The following ANKRD36B variants were observed in gnomAD, a reference collection of about 807,000 sequenced individuals.
The protein encoded by ANKRD36B is ankyrin repeat domain-containing protein 36B.
Under a neutral mutation model 135.7 loss-of-function variants are expected in ANKRD36B, and 37 were observed. The observed-to-expected ratio is 0.27, with a 90% CI of 0.21 to 0.36. The LOEUF (loss-of-function observed/expected upper bound fraction) is 0.36, where lower values mean the gene tolerates loss of function less well. ANKRD36B is among the 10% of genes least tolerant of loss of function. ANKRD36B has a pLI of 1.00. For synonymous variants in ANKRD36B, 179 were observed against 348.1 expected, an observed-to-expected ratio of 0.51 and a Z score of 5.41; for missense variants, 549 against 1,037.1, an observed-to-expected ratio of 0.53 and a Z score of 6.46.
chr2:97,549,484 C>T lies in ANKRD36B; in HGVS notation c.1412G>A (p.Ser471Asn). The change falls in exon 20 of 44, where the codon AGT (serine) becomes AAT (asparagine). Residue 471 changes from serine (S) to asparagine (N), a missense_variant. Transcript: ENST00000359901. ...ATTCAAAACAGAATCTTCCTTGACACTTGTAGCCTGAATGGAATTTGAAAT... is the reference window on the plus strand; with the variant it reads ...ATTCAAAACAGAATCTTCCTTGACATTTGTAGCCTGAATGGAATTTGAAAT... ...SQKPPALKAT[S>N]VKEDSVLNIA... is the part of the protein sequence containing the mutation. 6.3e-7 allele frequency: 1 copy of T among 1,594,366 alleles called. No homozygotes were observed.
At position 97,580,284 on chromosome 2, in the gene ANKRD36B, T is replaced by C. The variant is rs969715691; in HGVS notation, c.557+178A>G. 1.4e-4 allele frequency among the ~76,000 whole-genome samples: 22 copies of C among 152,372 alleles called. 1 individual carries two copies. Among genetic ancestry groups the C allele is most frequent in the African/African-American group, 5.3e-4 (22 of 41,582 alleles). ...TGCTATACACTGTTCTTTATGTTAC[T>C]CAGTCCAAATAATTGTTTTTCTACC... On this transcript the variant is annotated intron_variant, in intron 4 of 43. Coordinates refer to ENST00000359901, the MANE Select transcript of ANKRD36B (RefSeq NM_001393939.1).
intron 6 of ANKRD36B, among the ~76,000 whole-genome samples, chr2:97,570,377 G>A (rs2081761070): frequency 6.6e-6 from 1 of 152,124 alleles, no homozygotes; most frequent in African/African-American, 2.4e-5. Flanking sequence ...TGCAAAACTG[G>A]CCATTTGCTG....
intron 17 of ANKRD36B, 27 bp from the exon 18 acceptor site, chr2:97,551,388 A>C (rs772260570): frequency 1.2e-6 from 2 of 1,603,582 alleles, no homozygotes; most frequent in South Asian, 1.1e-5. Context: ...ACAAAATAAT[A>C]AATAAGGTAT....
intron 14 of ANKRD36B, 103 bp downstream of exon 14, chr2:97,554,957 A>C (rs1204701473): frequency 7.1e-7 from 1 of 1,410,850 alleles, no homozygotes; most frequent in Non-Finnish European, 9.8e-7. Context: ...CTGCTGAATC[A>C]GAATGTGCAG....
chr2:97,549,415 T>C lies in ANKRD36B; in HGVS notation c.1477+4A>G, dbSNP rs1330280736. ...CATGACATTAAATCTGTTTTCAAAATTACCTGTCCTAGATTTTTCTCCATC... is the reference window on the plus strand; with the variant it reads ...CATGACATTAAATCTGTTTTCAAAACTACCTGTCCTAGATTTTTCTCCATC... On this transcript the variant is annotated splice_donor_region_variant and intron_variant, in intron 20 of 43. Transcript: ENST00000359901. 3.2e-6 allele frequency: 5 copies of C among 1,555,814 alleles called. No homozygotes were observed. Among genetic ancestry groups the C allele is most frequent in the Admixed American group, 1.9e-5 (1 of 52,908 alleles).
intron 8 of ANKRD36B, among the ~76,000 whole-genome samples, chr2:97,559,608 G>A (rs1399528778): frequency 6.6e-6 from 1 of 151,892 alleles, no homozygotes; most frequent in Non-Finnish European, 1.5e-5. Context: ...GTATCCACTA[G>A]TTTAGCTTTC....
intron 6 of ANKRD36B, among the ~76,000 whole-genome samples, chr2:97,564,797 A>G (rs2081311449): frequency 6.6e-6 from 1 of 152,190 alleles, no homozygotes; most frequent in Non-Finnish European, 1.5e-5. Flanking sequence ...AGTTTGAATC[A>G]GGTAGCATGA....
At chr2:97,569,415 A>G (rs1423474628) in intron 6 of ANKRD36B, among the ~76,000 whole-genome samples, 6 of 152,108 alleles carry the variant, frequency 3.9e-5, no homozygotes, top group Non-Finnish European at 2.9e-5. Flanking sequence ...ACAGGGGTTA[A>G]TTGTGAGGGA....
intron 22 of ANKRD36B, among the ~76,000 whole-genome samples, chr2:97,546,954 C>A (rs12712050): frequency 2.0e-5 from 3 of 151,328 alleles, no homozygotes; most frequent in Non-Finnish European, 3.0e-5. Flanking sequence ...CTGGAGCAGC[C>A]AAAATCAAAT....
At chr2:97,556,387 C>A (rs1033556770) in intron 12 of ANKRD36B, among the ~76,000 whole-genome samples, 1 of 151,836 alleles carries the variant, frequency 6.6e-6, no homozygotes, top group African/African-American at 2.4e-5. Flanking sequence ...CTAAATGCAT[C>A]TGAGGTGAGT....
intron 18 of ANKRD36B, 35 bp downstream of exon 18, chr2:97,551,254 C>A (rs567102980): frequency 1.3e-6 from 2 of 1,538,944 alleles, no homozygotes; most frequent in East Asian, 4.9e-5. Context: ...CTTATCTGGA[C>A]TGAACATGAC....
At chr2:97,589,255 CA>C (rs1288639802) in intron 1 of ANKRD36B, among the ~76,000 whole-genome samples, 2 of 100,748 alleles carry the variant, frequency 2.0e-5, no homozygotes, top group African/African-American at 8.2e-5. Context: ...CCCAAGCCTT[CA>C]TTCCATCCAC....
rs2079041726 is a variant in ANKRD36B, at chr2:97,539,455, A to T, written c.1987+579T>A. 7.2e-5 allele frequency among the ~76,000 whole-genome samples: 7 copies of T among 96,768 alleles called. 3 individuals carry two copies. The highest frequency in any genetic ancestry group is 5.5e-4 in the Admixed American group (6 of 10,848). 63.5% of individuals were successfully genotyped at this position (96,768 alleles called of 152,430 possible). A position where few individuals can be genotyped will look rare whatever the true frequency, so the allele number is the denominator to read the frequency against. On this transcript the variant is annotated intron_variant, in intron 30 of 43. Transcript: ENST00000359901. The stretch of plus-strand genomic sequence containing the variant: ...CTTCCACTGGTTCCTAAAGCAGTCA[A>T]AATCAAATCTTCTTTTAGGAAAATA...
At position 97,541,980 on chromosome 2, in the gene ANKRD36B, T is replaced by C. The variant is rs780565557; in HGVS notation, c.1816A>G (p.Thr606Ala). ...GAAACAGAATCTTTCTTGACACTTG[T>C]AGCCTGAATGGGATTTGAAACAAAA... Reference protein sequence around the residue: ...SSQKQPAWKATSVKKDSVSNI... With the variant: ...SSQKQPAWKAASVKKDSVSNI... The change falls in exon 28 of 44, where the codon ACA becomes GCA. Residue 606 changes from threonine to alanine, a missense_variant. Transcript: ENST00000359901. 2 of 834,762 alleles carry C rather than the reference T, an allele frequency of 2.4e-6. 1 individual carries two copies. The highest frequency in any genetic ancestry group is 3.7e-6 in the Non-Finnish European group (2 of 547,188). 51.7% of individuals were successfully genotyped at this position (834,762 alleles called of 1,614,324 possible).
chr2:97,550,531 A>G (rs2079947467), intron 18 of ANKRD36B, among the ~76,000 whole-genome samples: 1 of 151,868 alleles, frequency 6.6e-6, no homozygotes, highest in African/African-American at 2.4e-5. Flanking sequence ...TACAAGAGGT[A>G]GCTCCTTGAA....
intron 1 of ANKRD36B, among the ~76,000 whole-genome samples, chr2:97,586,404 T>TAAA (rs34704943): frequency 3.9e-4 from 57 of 147,028 alleles, no homozygotes; most frequent in Admixed American, 1.1e-3. Context: ...TGCTTTTGTT[T>TAAA]AAAAAAAAAA....
At chr2:97,560,759 A>G (rs1267339714) in intron 7 of ANKRD36B, 22 bp from the exon 8 acceptor site, 2 of 1,597,262 alleles carry the variant, frequency 1.3e-6, no homozygotes, top group East Asian at 2.2e-5. Context: ...TTGAAACAAA[A>G]TAATCAATAT....
At chr2:97,551,544 A>C in intron 16 of ANKRD36B, 64 bp from the exon 17 acceptor site, 1 of 1,602,136 alleles carries the variant, frequency 6.2e-7, no homozygotes, top group Non-Finnish European at 8.5e-7. Flanking sequence ...CCATACATTC[A>C]TGCAGTGTTT....
intron 6 of ANKRD36B, among the ~76,000 whole-genome samples, chr2:97,573,066 C>T (rs2081989668): frequency 6.6e-6 from 1 of 152,016 alleles, no homozygotes; most frequent in South Asian, 2.1e-4. Flanking sequence ...CTCCCCACTC[C>T]CCCCACCCCA....
Sources: allele counts gnomAD v4.1 joint callset (sites outside exome capture counted in the v4.1 genomes callset), GRCh38; gene constraint gnomAD v4.1.1; transcripts MANE v1.5; gene names NCBI Gene and HGNC (gene_info 2026-07-23, HGNC 2026-07-21).